Variants in FOLH1 observed in about 807,000 individuals in gnomAD.
The protein encoded by FOLH1 is glutamate carboxypeptidase 2.
A neutral mutation model predicts 93.9 loss-of-function variants in FOLH1; 54 were observed. That is an observed-to-expected ratio of 0.57 (90% CI 0.46 to 0.72). The LOEUF (loss-of-function observed/expected upper bound fraction) is 0.72, where lower values mean the gene tolerates loss of function less well. FOLH1 is among the 30% of genes least tolerant of loss of function. The pLI, the probability that FOLH1 is intolerant of heterozygous loss-of-function variation, is 0.00. For synonymous variants in FOLH1, 249 were observed against 303.6 expected (o/e 0.82, Z 1.87); for missense variants, 571 against 892.5 (o/e 0.64, Z 4.59).
intron 6 of FOLH1, among the ~76,000 whole-genome samples, chr11:49,183,472 C>T (rs941983282): frequency 1.3e-5 from 2 of 152,020 alleles, no homozygotes; most frequent in Non-Finnish European, 2.9e-5. Flanking sequence ...TTTTGAAAAG[C>T]AATGTCAAGC....
At position 49,175,943 on chromosome 11, in the gene FOLH1, G is replaced by A. The variant is rs755461606; in HGVS notation, c.935C>T (p.Ser312Leu). 1.2e-5 allele frequency: 19 copies of A among 1,612,994 alleles called. No individual in the cohort carries two copies. In the Admixed American group the frequency reaches 3.0e-4, roughly 26 times the overall value. Residue 312 changes from serine to leucine, a missense_variant, in exon 8 of 19, where the codon TCA (serine) becomes TTA (leucine). By Grantham distance (145) the Ser-to-Leu change is moderately radical (BLOSUM62 -2). This residue lies in a region of FOLH1 where 500 missense variants were observed against 822.9 expected (regional missense o/e 0.61). Transcript: ENST00000256999. ...AQKLLEKMGG[S>L]APPDSSWRGS... is the part of the protein sequence containing the mutation. Reference sequence around the variant, plus strand: ...TCTCCAGCTGCTATCTGGTGGTGCTGAGCCACCCATTTTTCTATTGGACAC... The same window carrying A: ...TCTCCAGCTGCTATCTGGTGGTGCTAAGCCACCCATTTTTCTATTGGACAC...
In FOLH1 at chr11:49,173,487, T is replaced by C. The variant is rs778902848; in HGVS notation, c.1106-11A>G. 5.7e-6 allele frequency: 9 copies of C among 1,582,036 alleles called. No individual in the cohort carries two copies. The highest frequency in any genetic ancestry group is 6.9e-6 in the Non-Finnish European group (8 of 1,162,850). On this transcript the variant is annotated splice_polypyrimidine_tract_variant and intron_variant, in intron 9 of 18. Coordinates refer to ENST00000256999, the MANE Select transcript of FOLH1 (RefSeq NM_004476.3). ...GAATGACATATCTGTCTAGAAAGCA[T>C]AGATACAAGATTATTTGTCATTTCA...
At chr11:49,163,396 G>A (rs1253851358) in intron 13 of FOLH1, among the ~76,000 whole-genome samples, 2 of 151,978 alleles carry the variant, frequency 1.3e-5, no homozygotes, top group Admixed American at 1.3e-4. Context: ...CTGGGGTACC[G>A]CTTCCACCCC....
chr11:49,149,383 G>T (rs1398296713), intron 17 of FOLH1, among the ~76,000 whole-genome samples: 1 of 152,086 alleles, frequency 6.6e-6, no homozygotes, highest in Admixed American at 6.6e-5. Context: ...AGCTGTGTAT[G>T]TGGAATCTGA....
intron 13 of FOLH1, among the ~76,000 whole-genome samples, chr11:49,160,040 G>A (rs139184552): frequency 1.4e-3 from 214 of 151,630 alleles, no homozygotes; most frequent in African/African-American, 4.7e-3. Context: ...AGCCTCCCGA[G>A]CAGCTGGGAT....
At chr11:49,172,616 T>C (rs1859469766) in intron 10 of FOLH1, among the ~76,000 whole-genome samples, 1 of 152,164 alleles carries the variant, frequency 6.6e-6, no homozygotes. Flanking sequence ...AAGTAAATAC[T>C]ATGCAAACAA....
Position 49,160,995 on chromosome 11 carries a change from A to T in FOLH1, c.1441-2952T>A, listed in dbSNP as rs114162552. Among the ~76,000 whole-genome samples the T allele has an allele frequency of 2.8e-3, 432 of 152,056 alleles. 3 individuals carry two copies. Among genetic ancestry groups the T allele is most frequent in the African/African-American group, 0.01 (429 of 41,510 alleles). On this transcript the variant is annotated intron_variant, in intron 13 of 18. Coordinates refer to ENST00000256999, the MANE Select transcript of FOLH1 (RefSeq NM_004476.3). Reference sequence around the variant, plus strand: ...TTGAATTTGCACGGCAGTACAAGAGACGTTTTTAATTTCATTTCTTTTGCT... The same window carrying T: ...TTGAATTTGCACGGCAGTACAAGAGTCGTTTTTAATTTCATTTCTTTTGCT...
chr11:49,164,707 C>G lies in FOLH1; in HGVS notation c.1438G>C (p.Glu480Gln), dbSNP rs1442478206. The G allele has an allele frequency of 1.9e-6, 3 of 1,592,014 alleles. No homozygotes were observed. The highest frequency in any genetic ancestry group is 2.6e-6 in the Non-Finnish European group (3 of 1,164,118). Residue 480 changes from glutamate to glutamine, a missense_variant and splice_region_variant, in exon 13 of 19, where the codon GAG (glutamate) becomes CAG (glutamine). Glu to Gln is a conservative substitution (Grantham distance 29). Around this residue, in one of 2 missense-constraint regions of FOLH1, gnomAD observed 500 missense variants for 822.9 expected, o/e 0.61. Coordinates refer to ENST00000256999, the MANE Select transcript of FOLH1 (RefSeq NM_004476.3). ...TTAAATTATATGTAATTATATACCT[C>G]TTTTGTTAGGTTGTGTACCAAGCTG... ...MYSLVHNLTK[E>Q]LKSPDEGFEG...
chr11:49,163,025 C>T (rs931779686), intron 13 of FOLH1: 2 of 152,186 alleles, frequency 1.3e-5, no homozygotes, highest in Non-Finnish European at 2.9e-5. Context: ...GGAGACCCCA[C>T]TAGGAGGTCT....
Position 49,164,703 on chromosome 11 carries a change from AC to A in FOLH1, c.1440+1del. 2 of 1,583,878 alleles carry A rather than the reference AC, an allele frequency of 1.3e-6. No homozygotes were observed. Among genetic ancestry groups the A allele is most frequent in the Non-Finnish European group, 1.7e-6 (2 of 1,157,244 alleles). On this transcript the variant is annotated splice_donor_variant, in intron 13 of 18. Coordinates refer to ENST00000256999, the MANE Select transcript of FOLH1 (RefSeq NM_004476.3). LOFTEE classifies it high-confidence loss of function. Reference sequence around the variant, plus strand: ...TTTCTTAAATTATATGTAATTATATACCTCTTTTGTTAGGTTGTGTACCAAG... The same window carrying A: ...TTTCTTAAATTATATGTAATTATATACTCTTTTGTTAGGTTGTGTACCAAG...
chr11:49,191,570 CA>C (rs1386743652), intron 4 of FOLH1, among the ~76,000 whole-genome samples: 2 of 152,154 alleles, frequency 1.3e-5, no homozygotes, highest in African/African-American at 2.4e-5. Context: ...TGTCAAAGTC[CA>C]AAAATTATTT....
At chr11:49,191,860 GCT>G (rs1862084381) in intron 4 of FOLH1, among the ~76,000 whole-genome samples, 1 of 152,140 alleles carries the variant, frequency 6.6e-6, no homozygotes, top group Non-Finnish European at 1.5e-5. Context: ...ACCGCATCTG[GCT>G]AATTATTTTG....
At chr11:49,191,958 C>T (rs926124753) in intron 4 of FOLH1, among the ~76,000 whole-genome samples, 5 of 152,342 alleles carry the variant, frequency 3.3e-5, no homozygotes, top group South Asian at 2.1e-4. Context: ...CCTCCGCACC[C>T]GGCCAACCTG....
Position 49,185,664 on chromosome 11 carries a change from T to C in FOLH1, c.826+5A>G, listed in dbSNP as rs3872572. 9.3e-6 allele frequency: 15 copies of C among 1,613,482 alleles called. No individual in the cohort carries two copies. The highest frequency in any genetic ancestry group is 1.3e-5 in the Non-Finnish European group (15 of 1,179,642). On this transcript the variant is annotated splice_donor_5th_base_variant and intron_variant, in intron 6 of 18. Coordinates refer to ENST00000256999, the MANE Select transcript of FOLH1 (RefSeq NM_004476.3). ...TCCTATGATATTCAAGGATTGATCA[T>C]TCACCATTTGCTGGGTAACCTGGTG... is the stretch of plus-strand genomic sequence containing the variant.
intron 13 of FOLH1, among the ~76,000 whole-genome samples, chr11:49,161,440 G>A: frequency 6.6e-6 from 1 of 152,066 alleles, no homozygotes; most frequent in Non-Finnish European, 1.5e-5. Context: ...TCAGAAACTA[G>A]AATTGCAACT....
Position 49,164,763 on chromosome 11 carries a change from G to A in FOLH1, c.1382C>T (p.Thr461Ile). The A allele has an allele frequency of 6.3e-7, 1 of 1,599,732 alleles. No individual in the cohort carries two copies. The highest frequency in any genetic ancestry group is 8.5e-7 in the Non-Finnish European group (1 of 1,169,916). ...NADSSIEGNY[T>I]LRVDCTPLMY... Reference sequence around the variant, plus strand: ...CAGCGGTGTACAATCAACTCTCAGAGTGTAGTTTCCTGAAAAATAAGAAAA... The same window carrying A: ...CAGCGGTGTACAATCAACTCTCAGAATGTAGTTTCCTGAAAAATAAGAAAA... Residue 461 changes from threonine (T) to isoleucine (I), a missense_variant, in exon 13 of 19, where the codon ACT (threonine) becomes ATT (isoleucine). Thr to Ile is a moderately conservative substitution (Grantham distance 89, BLOSUM62 -1). Around this residue, in one of 2 missense-constraint regions of FOLH1, gnomAD observed 500 missense variants for 822.9 expected, o/e 0.61. Transcript: ENST00000256999.
At chr11:49,205,909 GAAAGT>G (rs1026527149) in intron 2 of FOLH1, among the ~76,000 whole-genome samples, 153 bp downstream of exon 2, 1 of 152,158 alleles carries the variant, frequency 6.6e-6, no homozygotes, top group Non-Finnish European at 1.5e-5. Flanking sequence ...AAATTTAGCT[GAAAGT>G]ATAGTCCTCC....
intron 2 of FOLH1, among the ~76,000 whole-genome samples, chr11:49,205,750 C>T (rs1334280016): frequency 6.6e-6 from 1 of 152,166 alleles, no homozygotes; most frequent in African/African-American, 2.4e-5. Flanking sequence ...AAAGTTTTAT[C>T]AGAACTGACT....
At chr11:49,161,126 G>A (rs1305724142) in intron 13 of FOLH1, among the ~76,000 whole-genome samples, 1 of 152,160 alleles carries the variant, frequency 6.6e-6, no homozygotes, top group Non-Finnish European at 1.5e-5. Flanking sequence ...GGAGAATTTT[G>A]TAGATATCTA....
Sources: gnomAD v4.1 joint callset for allele counts (sites outside exome capture counted in the v4.1 genomes callset) on GRCh38, gnomAD v4.1.1 for gene constraint, gnomAD v4.1.1 regional missense constraint, MANE v1.5 for transcripts, NCBI Gene and HGNC (gene_info 2026-07-23, HGNC 2026-07-21) for gene names.